The following MACROD2 variants were observed in gnomAD, a reference collection of about 807,000 sequenced individuals.
The protein encoded by MACROD2 is mono-ADP ribosylhydrolase 2.
In MACROD2, 36 loss-of-function variants were observed where a neutral mutation model predicts 70.4. The observed-to-expected ratio is 0.51, with a 90% confidence interval of 0.39 to 0.68. The LOEUF (loss-of-function observed/expected upper bound fraction) is 0.68. Among genes scored for constraint, MACROD2 ranks in the 30% least tolerant of loss-of-function variants. The pLI is 0.00. For missense variants in MACROD2, 496 were observed against 538.4 expected, an observed-to-expected ratio of 0.92 and a Z score of 0.78; for synonymous variants, 172 against 178.8, an observed-to-expected ratio of 0.96 and a Z score of 0.30.
chr20:15,416,915 A>C (rs1438951720), intron 6 of MACROD2, among the ~76,000 whole-genome samples: 1 of 151,742 alleles, frequency 6.6e-6, no homozygotes, highest in Non-Finnish European at 1.5e-5. Context: ...AAAAAAAAAG[A>C]AGTGGCTGTA....
At chr20:15,733,966 G>A (rs1365295252) in intron 8 of MACROD2, among the ~76,000 whole-genome samples, 3 of 152,134 alleles carry the variant, frequency 2.0e-5, no homozygotes, top group Non-Finnish European at 1.5e-5. Context: ...GAGGAGAGTT[G>A]CAAGAACCAA....
At chr20:14,668,999 A>C (rs2070766483) in intron 4 of MACROD2, among the ~76,000 whole-genome samples, 1 of 152,194 alleles carries the variant, frequency 6.6e-6, no homozygotes, top group East Asian at 1.9e-4. Flanking sequence ...ACTTTTTCTT[A>C]ATCAGAAAAA....
At chr20:14,099,522 T>C (rs2054271027) in intron 3 of MACROD2, among the ~76,000 whole-genome samples, 1 of 152,218 alleles carries the variant, frequency 6.6e-6, no homozygotes, top group Non-Finnish European at 1.5e-5. Context: ...TTCATTATCA[T>C]TGTTATGTAA....
At chr20:15,953,252 A>G (rs1399854289) in intron 12 of MACROD2, among the ~76,000 whole-genome samples, 1 of 152,142 alleles carries the variant, frequency 6.6e-6, no homozygotes, top group Non-Finnish European at 1.5e-5. Flanking sequence ...GTGTTAAAGG[A>G]TACAAAATTA....
chr20:15,764,282 T>A (rs1471940601), intron 8 of MACROD2, among the ~76,000 whole-genome samples: 1 of 152,242 alleles, frequency 6.6e-6, no homozygotes, highest in African/African-American at 2.4e-5. Context: ...CTGATTAAGA[T>A]GAACACTGTC....
intron 5 of MACROD2, among the ~76,000 whole-genome samples, chr20:15,162,162 C>T (rs774026520): frequency 3.3e-5 from 5 of 151,952 alleles, no homozygotes; most frequent in Admixed American, 2.0e-4. Context: ...TGACTTGCTG[C>T]GCTTTCAAGA....
At chr20:15,655,228 A>C (rs1329210978) in intron 8 of MACROD2, among the ~76,000 whole-genome samples, 2 of 152,224 alleles carry the variant, frequency 1.3e-5, no homozygotes, top group South Asian at 2.1e-4. Context: ...CAACTCTGAT[A>C]ATTGTAGAAA....
intron 3 of MACROD2, among the ~76,000 whole-genome samples, chr20:14,485,431 G>T (rs1364570407): frequency 1.3e-5 from 2 of 152,180 alleles, no homozygotes; most frequent in Non-Finnish European, 2.9e-5. Flanking sequence ...GCCAGGCGTG[G>T]TGGCTCACGC....
At chr20:15,895,540 G>C (rs1048148467) in intron 10 of MACROD2, among the ~76,000 whole-genome samples, 4 of 152,236 alleles carry the variant, frequency 2.6e-5, no homozygotes, top group Non-Finnish European at 5.9e-5. Context: ...CCCAACTTTA[G>C]AGGGGATGAC....
chr20:14,363,422 A>G (rs920255943), intron 3 of MACROD2, among the ~76,000 whole-genome samples: 2 of 152,188 alleles, frequency 1.3e-5, no homozygotes, highest in African/African-American at 2.4e-5. Flanking sequence ...CCATCTCAAT[A>G]TACTGCCTAC....
chr20:15,369,673 G>A (rs1202446244), intron 6 of MACROD2, among the ~76,000 whole-genome samples: 1 of 152,116 alleles, frequency 6.6e-6, no homozygotes, highest in Non-Finnish European at 1.5e-5. Context: ...AACGTGGAAA[G>A]TGCTCTGAAC....
intron 10 of MACROD2, among the ~76,000 whole-genome samples, chr20:15,913,834 G>A (rs746794153): frequency 6.6e-6 from 1 of 152,200 alleles, no homozygotes; most frequent in Non-Finnish European, 1.5e-5. Context: ...AGTGCTTATA[G>A]TATTTTAGGG....
intron 8 of MACROD2, among the ~76,000 whole-genome samples, chr20:15,758,784 C>T (rs2051388664): frequency 6.6e-6 from 1 of 151,888 alleles, no homozygotes; most frequent in African/African-American, 2.4e-5. Context: ...CTTAAGTGAT[C>T]CTCCTGTCTC....
chr20:15,001,194 C>T (rs376488809), intron 5 of MACROD2, among the ~76,000 whole-genome samples: 1 of 152,104 alleles, frequency 6.6e-6, no homozygotes, highest in Non-Finnish European at 1.5e-5. Flanking sequence ...ACCCAGAACC[C>T]TCCTAGTACT....
intron 6 of MACROD2, among the ~76,000 whole-genome samples, chr20:15,234,758 G>A (rs968456625): frequency 4.6e-5 from 7 of 152,018 alleles, no homozygotes; most frequent in Admixed American, 2.0e-4. Context: ...CGGGGTGAGC[G>A]TAGGGGTGAA....
chr20:14,915,034 A>G (rs2122611531), intron 5 of MACROD2, among the ~76,000 whole-genome samples: 1 of 152,330 alleles, frequency 6.6e-6, no homozygotes, highest in Admixed American at 6.5e-5. Flanking sequence ...TAAGGCACAC[A>G]TGGTTGGATT....
chr20:14,140,801 GA>G (rs2148705348), intron 3 of MACROD2, among the ~76,000 whole-genome samples: 1 of 152,232 alleles, frequency 6.6e-6, no homozygotes, highest in South Asian at 2.1e-4. Flanking sequence ...TTTTCGAAAT[GA>G]TTATCAGTGG....
intron 3 of MACROD2, among the ~76,000 whole-genome samples, chr20:14,450,803 G>A (rs1396125295): frequency 6.6e-6 from 1 of 152,024 alleles, no homozygotes; most frequent in Non-Finnish European, 1.5e-5. Flanking sequence ...AGGAAAAGGG[G>A]CTAGAAGGTG....
At chr20:14,373,428 AT>A (rs151001668) in intron 3 of MACROD2, among the ~76,000 whole-genome samples, 1,734 of 151,214 alleles carry the variant, frequency 0.011, 29 homozygotes, top group African/African-American at 0.04. Flanking sequence ...TGTCTCTAGT[AT>A]TTTTTTTTAA....
Sources: allele counts gnomAD v4.1 joint callset (sites outside exome capture counted in the v4.1 genomes callset), GRCh38; gene constraint gnomAD v4.1.1; transcripts MANE v1.5; gene names NCBI Gene and HGNC (gene_info 2026-07-23, HGNC 2026-07-21).